ARMC2: variants seen among roughly 807,000 people sequenced by gnomAD.
ARMC2 encodes the protein armadillo repeat-containing protein 2.
Under a neutral mutation model 90.3 loss-of-function variants are expected in ARMC2, and 67 were observed. The ratio of observed to expected loss-of-function variants is 0.74; its 90% CI spans 0.61 to 0.91. ARMC2 has a LOEUF of 0.91. Ranked by LOEUF, ARMC2 falls within the 40% of genes least tolerant of loss-of-function variation. The probability of loss-of-function intolerance (pLI) is 0.00; values close to 1 mark genes in which losing one functional copy is unlikely to be tolerated. For synonymous variants in ARMC2, 393 were observed against 393.0 expected, an observed-to-expected ratio of 1.00 and a Z score of 0.00; for missense variants, 920 against 1,030.9, an observed-to-expected ratio of 0.89 and a Z score of 1.47.
At chr6:108,854,552 C>A in intron 2 of ARMC2, 67 bp downstream of exon 2, 1 of 1,438,146 alleles carries the variant, frequency 7.0e-7, no homozygotes, top group Non-Finnish European at 9.6e-7. Flanking sequence ...TCCCTTAATT[C>A]TACTTAAGGT....
At chr6:108,895,215 C>T (rs1771476337) in intron 6 of ARMC2, among the ~76,000 whole-genome samples, 1 of 151,438 alleles carries the variant, frequency 6.6e-6, no homozygotes, top group Admixed American at 6.6e-5. Context: ...GTAATCCCAG[C>T]ACTTTGGGAG....
chr6:108,914,063 G>A (rs985118878), intron 10 of ARMC2, among the ~76,000 whole-genome samples: 1 of 152,006 alleles, frequency 6.6e-6, no homozygotes, highest in Non-Finnish European at 1.5e-5. Flanking sequence ...ACAGCTTATG[G>A]GATTCTTGTC....
rs1385349538 is a variant in ARMC2, at chr6:108,912,430, C to G, written c.1222C>G (p.Leu408Val). Residue 408 changes from leucine (L) to valine (V), a missense_variant, in exon 10 of 18, where the codon CTG (leucine) becomes GTG (valine). Physicochemically the swap from Leu to Val is conservative, Grantham distance 32 (BLOSUM62 1). Transcript: ENST00000392644. ...GTCTATAAAGTTCATTTCTGGAAAT[C>G]TGGGATTTCTTAATGAAATGATCAG... ...MGSIKFISGN[L>V]GFLNEMISKG... The G allele has an allele frequency of 1.2e-6, 2 of 1,613,784 alleles. No individual in the cohort carries two copies. The highest frequency in any genetic ancestry group is 1.1e-5 in the South Asian group (1 of 91,074).
intron 4 of ARMC2, 141 bp from the exon 5 acceptor site, chr6:108,876,002 G>A (rs1776892252): frequency 1.4e-6 from 1 of 737,540 alleles, no homozygotes; most frequent in Admixed American, 3.1e-5. Context: ...GAAAGGCTTT[G>A]GCCATAAAAT....
chr6:108,927,838 G>T lies in ARMC2; in HGVS notation c.1351-250G>T, dbSNP rs78571205. On this transcript the variant is annotated intron_variant, in intron 10 of 17. Coordinates refer to ENST00000392644, the MANE Select transcript of ARMC2 (RefSeq NM_032131.6). ...CTAGATGATGGTTTGTTTAACCCTG[G>T]GTTTGGGGTATACCAATTGCTTACT... is the stretch of plus-strand genomic sequence containing the variant. Among the ~76,000 whole-genome samples, 1,410 of 152,236 alleles carry T rather than the reference G, an allele frequency of 9.3e-3. 27 individuals are homozygous for T. The highest frequency in any genetic ancestry group is 0.032 in the African/African-American group (1,335 of 41,534).
chr6:108,965,280 T>C (rs1778280023), intron 17 of ARMC2, 140 bp downstream of exon 17: 1 of 769,174 alleles, frequency 1.3e-6, no homozygotes, highest in Non-Finnish European at 1.9e-6. Context: ...TAAAGATTAC[T>C]ATAATTTGGA....
At chr6:108,905,551 A>G (rs1287357958) in intron 8 of ARMC2, among the ~76,000 whole-genome samples, 1 of 151,518 alleles carries the variant, frequency 6.6e-6, no homozygotes, top group Non-Finnish European at 1.5e-5. Context: ...AAAAAAAAAA[A>G]GAAAGAAAGA....
chr6:108,923,089 G>A (rs981108519), intron 10 of ARMC2: 1 of 152,076 alleles, frequency 6.6e-6, no homozygotes, highest in African/African-American at 2.4e-5. Flanking sequence ...AAGAGATGGG[G>A]GAAAAGATAG....
In ARMC2 at chr6:108,953,147, C is replaced by T. The variant is rs771520019; in HGVS notation, c.1711C>T (p.Gln571Ter). ...CATCCAAACTCTGCTGTCATTATTCCAGACGTTCCATCAGCTGGATCTGCA... is the reference window on the plus strand; with the variant it reads ...CATCCAAACTCTGCTGTCATTATTCTAGACGTTCCATCAGCTGGATCTGCA... ...GSIQTLLSLFQTFHQLDLHSQ... is the reference protein window; with the variant it reads ...GSIQTLLSLF Residue 571 changes from glutamine (Q) to a stop codon, truncating the protein, a stop_gained, in exon 13 of 18, where the codon CAG (glutamine) becomes TAG (stop). Transcript: ENST00000392644. LOFTEE classifies it high-confidence loss of function. The T allele has an allele frequency of 1.9e-6, 3 of 1,613,930 alleles. No individual in the cohort carries two copies. In the African/African-American group the frequency reaches 4.0e-5, roughly 22 times the overall value.
the ARMC2 span, among the ~76,000 whole-genome samples, chr6:109,049,948 C>T: frequency 4.6e-5 from 7 of 151,970 alleles, no homozygotes; most frequent in East Asian, 3.9e-4. Context: ...TAGGCAACAG[C>T]TTTAAAAGAA....
intron 12 of ARMC2, among the ~76,000 whole-genome samples, chr6:108,938,599 C>CTTTTTTTTTTTTTT (rs4027582): frequency 2.4e-5 from 2 of 83,102 alleles, no homozygotes; most frequent in Admixed American, 1.7e-4. Flanking sequence ...CCATTACTAC[C>CTTTTTTTTTTTTTT]TTTTTTTTTT....
chr6:108,990,267 A>G, the ARMC2 span, among the ~76,000 whole-genome samples: 12 of 152,350 alleles, frequency 7.9e-5, no homozygotes, highest in Admixed American at 3.3e-4. Context: ...CAGAGGGGCA[A>G]TATAAGGGTA....
the ARMC2 span, among the ~76,000 whole-genome samples, chr6:109,031,018 A>G: frequency 1.3e-5 from 2 of 152,230 alleles, no homozygotes; most frequent in South Asian, 4.1e-4. Flanking sequence ...ACAATTAGAG[A>G]ACAATTCTAG....
chr6:108,944,390 A>G (rs1426262334), intron 12 of ARMC2, among the ~76,000 whole-genome samples: 1 of 152,230 alleles, frequency 6.6e-6, no homozygotes, highest in Non-Finnish European at 1.5e-5. Flanking sequence ...TTGTGTCAAA[A>G]TAAGTCCTGG....
At chr6:108,991,103 T>C in the ARMC2 span, among the ~76,000 whole-genome samples, 1 of 151,998 alleles carries the variant, frequency 6.6e-6, no homozygotes, top group Non-Finnish European at 1.5e-5. Flanking sequence ...TAATAGTCTC[T>C]TCCCCTTACA....
At chr6:108,998,332 C>G in the ARMC2 span, 1 of 616,936 alleles carries the variant, frequency 1.6e-6, no homozygotes, top group Non-Finnish European at 2.8e-6. Context: ...TTGTATATCA[C>G]CTAGACTAGT....
the ARMC2 span, among the ~76,000 whole-genome samples, chr6:109,045,265 C>T: frequency 1.3e-5 from 2 of 151,632 alleles, no homozygotes; most frequent in Non-Finnish European, 2.9e-5. Flanking sequence ...CTCCCAACCC[C>T]ATCAAAACAG....
At chr6:109,003,189 A>G in the ARMC2 span, among the ~76,000 whole-genome samples, 2 of 151,894 alleles carry the variant, frequency 1.3e-5, no homozygotes, top group African/African-American at 2.4e-5. Flanking sequence ...TTTGAGGCCT[A>G]TGTCCTATCT....
the ARMC2 span, among the ~76,000 whole-genome samples, chr6:109,046,892 G>T: frequency 8.1e-6 from 1 of 122,996 alleles, no homozygotes; most frequent in African/African-American, 3.0e-5. Context: ...TCCGGCAGCT[G>T]CCCCGTCTGA....
Sources: allele counts gnomAD v4.1 joint callset (sites outside exome capture counted in the v4.1 genomes callset), GRCh38; gene constraint gnomAD v4.1.1; transcripts MANE v1.5; gene names NCBI Gene and HGNC (gene_info 2026-07-23, HGNC 2026-07-21).